Variants in EPB41L2 observed in about 807,000 individuals in gnomAD.
The protein encoded by EPB41L2 is erythrocyte membrane protein band 4.1 like 2, also known as band 4.1-like protein 2.
In EPB41L2, 43 loss-of-function variants were observed where a neutral mutation model predicts 113.0. The ratio of observed to expected loss-of-function variants is 0.38; its 90% confidence interval spans 0.30 to 0.49. EPB41L2 has a LOEUF of 0.49. Among genes scored for constraint, EPB41L2 ranks in the 20% least tolerant of loss-of-function variants. The pLI is 0.95. For missense variants in EPB41L2, 1,147 were observed against 1,223.4 expected (o/e 0.94, Z 0.93); for synonymous variants, 442 against 436.7 (o/e 1.01, Z -0.15).
chr6:130,987,772 G>A (rs557827777), intron 1 of EPB41L2, among the ~76,000 whole-genome samples: 7 of 152,000 alleles, frequency 4.6e-5, no homozygotes, highest in African/African-American at 1.7e-4. Context: ...GCTAAAATTG[G>A]GAAAGGTAGT....
chr6:131,020,920 G>T (rs1789309145), intron 1 of EPB41L2, among the ~76,000 whole-genome samples: 1 of 152,140 alleles, frequency 6.6e-6, no homozygotes, highest in Non-Finnish European at 1.5e-5. Flanking sequence ...CTCCCAAGGA[G>T]CTGGAACTAC....
intron 1 of EPB41L2, among the ~76,000 whole-genome samples, chr6:130,983,581 T>C (rs1157280637): frequency 1.3e-5 from 2 of 151,454 alleles, no homozygotes; most frequent in East Asian, 3.9e-4. Flanking sequence ...CAGGCTGCAG[T>C]ACAGTGGTGT....
chr6:131,001,516 CTCTA>C (rs1156241915), intron 1 of EPB41L2, among the ~76,000 whole-genome samples: 1 of 152,176 alleles, frequency 6.6e-6, no homozygotes, highest in Non-Finnish European at 1.5e-5. Context: ...TTTCTTCCTA[CTCTA>C]TCTAGTCACT....
chr6:131,037,486 T>C (rs1272629536), intron 1 of EPB41L2, among the ~76,000 whole-genome samples: 1 of 151,680 alleles, frequency 6.6e-6, no homozygotes, highest in African/African-American at 2.4e-5. Flanking sequence ...GCTTATAAAA[T>C]GCTTTAAGAA....
chr6:131,007,130 T>C (rs1031119560), intron 1 of EPB41L2, among the ~76,000 whole-genome samples: 18 of 152,368 alleles, frequency 1.2e-4, no homozygotes, highest in African/African-American at 4.3e-4. Flanking sequence ...GGATATGGTT[T>C]GGCTCTGTGT....
chr6:130,863,575 G>A, intron 18 of EPB41L2, 63 bp downstream of exon 18: 2 of 1,183,614 alleles, frequency 1.7e-6, no homozygotes, highest in Non-Finnish European at 2.5e-6. Context: ...GCGACATGAT[G>A]ACAAATGTGA....
At chr6:130,957,711 C>T (rs1292102831) in intron 1 of EPB41L2, among the ~76,000 whole-genome samples, 1 of 151,710 alleles carries the variant, frequency 6.6e-6, no homozygotes, top group African/African-American at 2.4e-5. Context: ...TGTTTTAAAG[C>T]TTTATTAAGA....
chr6:130,852,278 A>G (rs1323284611), intron 19 of EPB41L2, among the ~76,000 whole-genome samples: 1 of 152,134 alleles, frequency 6.6e-6, no homozygotes. Flanking sequence ...AACCCAGCAA[A>G]TCTGCTATCC....
At chr6:130,938,895 T>C (rs1456211435) in intron 3 of EPB41L2, among the ~76,000 whole-genome samples, 1 of 152,204 alleles carries the variant, frequency 6.6e-6, no homozygotes, top group Non-Finnish European at 1.5e-5. Flanking sequence ...GTAGGGATTT[T>C]GTTTCCAGAG....
chr6:130,889,485 G>A (rs981235814), intron 11 of EPB41L2, among the ~76,000 whole-genome samples: 5 of 151,028 alleles, frequency 3.3e-5, no homozygotes, highest in Non-Finnish European at 7.4e-5. Flanking sequence ...ATTTTCCCTT[G>A]GGCTAAAGAA....
intron 1 of EPB41L2, among the ~76,000 whole-genome samples, chr6:131,052,138 T>C (rs1319112482): frequency 6.6e-6 from 1 of 152,062 alleles, no homozygotes; most frequent in Non-Finnish European, 1.5e-5. Flanking sequence ...GGTTTTGCCA[T>C]GTTGGCCAGG....
At chr6:130,848,698 G>A (rs9492738) in intron 19 of EPB41L2, among the ~76,000 whole-genome samples, 67 of 152,276 alleles carry the variant, frequency 4.4e-4, no homozygotes, top group African/African-American at 1.6e-3. Flanking sequence ...TCCTTGGACT[G>A]TAATCCTCGT....
intron 6 of EPB41L2, among the ~76,000 whole-genome samples, chr6:130,902,376 C>A (rs970345483): frequency 6.6e-6 from 1 of 152,192 alleles, no homozygotes; most frequent in Non-Finnish European, 1.5e-5. Flanking sequence ...GGATTACCAC[C>A]CAAATACATC....
chr6:131,007,426 T>G (rs1785853801), intron 1 of EPB41L2, among the ~76,000 whole-genome samples: 1 of 152,270 alleles, frequency 6.6e-6, no homozygotes, highest in Middle Eastern at 3.4e-3. Flanking sequence ...TATCTCTTTA[T>G]AGCAGCATGC....
chr6:130,872,867 G>A (rs879509810), intron 14 of EPB41L2, among the ~76,000 whole-genome samples: 21 of 152,220 alleles, frequency 1.4e-4, no homozygotes, highest in African/African-American at 5.1e-4. Context: ...TTCTCTGCAC[G>A]GAATGGCCTC....
intron 1 of EPB41L2, among the ~76,000 whole-genome samples, chr6:130,995,541 C>A (rs1224333601): frequency 6.6e-6 from 1 of 152,174 alleles, no homozygotes; most frequent in Non-Finnish European, 1.5e-5. Flanking sequence ...CCAAACTGTG[C>A]TCTGACCACC....
intron 4 of EPB41L2, among the ~76,000 whole-genome samples, chr6:130,912,422 C>A (rs1276475118): frequency 6.6e-6 from 1 of 152,190 alleles, no homozygotes; most frequent in African/African-American, 2.4e-5. Context: ...AGCCGCATGG[C>A]CCCTCGGGTT....
At chr6:131,014,434 G>T (rs1050594235) in intron 1 of EPB41L2, among the ~76,000 whole-genome samples, 2 of 152,094 alleles carry the variant, frequency 1.3e-5, no homozygotes, top group Non-Finnish European at 2.9e-5. Flanking sequence ...TAGAACACAA[G>T]GAAGTCCAAA....
At chr6:130,973,568 G>T (rs147811360) in intron 1 of EPB41L2, among the ~76,000 whole-genome samples, 318 of 152,268 alleles carry the variant, frequency 2.1e-3, no homozygotes, top group Non-Finnish European at 3.6e-3. Context: ...CTAAGCTAAA[G>T]GGAAAAGTCA....
Sources: gnomAD v4.1 joint callset for allele counts (sites outside exome capture counted in the v4.1 genomes callset) on GRCh38, gnomAD v4.1.1 for gene constraint, MANE v1.5 for transcripts, NCBI Gene and HGNC (gene_info 2026-07-23, HGNC 2026-07-21) for gene names.